PRKCH: variants seen among roughly 807,000 people sequenced by gnomAD.
The protein encoded by PRKCH is protein kinase C eta.
Under a neutral mutation model 82.5 loss-of-function variants are expected in PRKCH, and 28 were observed. That is an observed-to-expected ratio of 0.34 (90% CI 0.25 to 0.47). PRKCH has a LOEUF of 0.47. Ranked by LOEUF, PRKCH falls within the 20% of genes least tolerant of loss-of-function variation. The probability of loss-of-function intolerance (pLI) is 1.00; values close to 1 mark genes in which losing one functional copy is unlikely to be tolerated. For synonymous variants in PRKCH, 322 were observed against 327.4 expected, an observed-to-expected ratio of 0.98 and a Z score of 0.18; for missense variants, 705 against 881.8, an observed-to-expected ratio of 0.80 and a Z score of 2.54.
chr14:61,366,207 G>C (rs1018268904), intron 1 of PRKCH, among the ~76,000 whole-genome samples: 2 of 152,030 alleles, frequency 1.3e-5, no homozygotes, highest in Non-Finnish European at 2.9e-5. Context: ...TGAAAATTTA[G>C]GTTACTAGGG....
chr14:61,525,862 GAC>G (rs2042958755), intron 10 of PRKCH: 1 of 152,310 alleles, frequency 6.6e-6, no homozygotes, highest in Non-Finnish European at 1.5e-5. Flanking sequence ...GTCAGGCTAG[GAC>G]ACAGTGTCGA....
intron 1 of PRKCH, among the ~76,000 whole-genome samples, chr14:61,348,777 T>G (rs1351913312): frequency 6.6e-6 from 1 of 152,256 alleles, no homozygotes; most frequent in Non-Finnish European, 1.5e-5. Flanking sequence ...ATTTTATGCC[T>G]TCGTAGCCAC....
intron 10 of PRKCH, among the ~76,000 whole-genome samples, chr14:61,521,730 C>T (rs1044128147): frequency 7.2e-5 from 11 of 152,060 alleles, no homozygotes; most frequent in African/African-American, 2.4e-4. Flanking sequence ...CTGTGCCCGG[C>T]CTTAATCTTT....
intron 2 of PRKCH, among the ~76,000 whole-genome samples, chr14:61,393,397 T>C (rs1450724191): frequency 2.0e-5 from 3 of 152,202 alleles, no homozygotes; most frequent in East Asian, 1.9e-4. Flanking sequence ...TTTAAACCCA[T>C]CTGTAGTCAA....
chr14:61,215,110 C>T (rs763526626), intron 1 of PRKCH, among the ~76,000 whole-genome samples: 50 of 152,128 alleles, frequency 3.3e-4, no homozygotes, highest in Non-Finnish European at 5.6e-4. Flanking sequence ...AGTTAGATGC[C>T]GTGATGGTTC....
chr14:61,493,035 G>C (rs918232503), intron 10 of PRKCH, among the ~76,000 whole-genome samples: 1 of 152,234 alleles, frequency 6.6e-6, no homozygotes, highest in Non-Finnish European at 1.5e-5. Context: ...GGAGCCTGAA[G>C]TTGGAGGCAT....
At chr14:61,509,289 T>C (rs1333913141) in intron 10 of PRKCH, among the ~76,000 whole-genome samples, 1 of 152,160 alleles carries the variant, frequency 6.6e-6, no homozygotes, top group African/African-American at 2.4e-5. Context: ...ACACACTCAT[T>C]AGCCCTTTGT....
intron 1 of PRKCH, chr14:61,299,696 C>T (rs1051542616): frequency 3.3e-5 from 5 of 152,178 alleles, no homozygotes; most frequent in Non-Finnish European, 7.3e-5. Context: ...AAACTTGCAA[C>T]CTTTTGCCTT....
At chr14:61,386,415 G>A (rs535639982) in intron 1 of PRKCH, among the ~76,000 whole-genome samples, 2 of 152,180 alleles carry the variant, frequency 1.3e-5, no homozygotes, top group African/African-American at 2.4e-5. Context: ...CTAGAAGCCC[G>A]TTCAGGGAGG....
chr14:61,445,279 G>A (rs1884166680), intron 3 of PRKCH, among the ~76,000 whole-genome samples: 1 of 152,236 alleles, frequency 6.6e-6, no homozygotes, highest in African/African-American at 2.4e-5. Flanking sequence ...ACAGGCAGCT[G>A]CGGTAGACTC....
At chr14:61,243,127 G>T (rs1240930296) in intron 1 of PRKCH, among the ~76,000 whole-genome samples, 4 of 152,122 alleles carry the variant, frequency 2.6e-5, no homozygotes, top group African/African-American at 9.7e-5. Context: ...GCTGGGCACA[G>T]TTCACGCCTG....
At chr14:61,395,389 A>G (rs1481473035) in intron 2 of PRKCH, among the ~76,000 whole-genome samples, 1 of 148,742 alleles carries the variant, frequency 6.7e-6, no homozygotes, top group Non-Finnish European at 1.5e-5. Context: ...GCCACCTTAG[A>G]TTATGTCCAG....
chr14:61,339,506 G>A (rs1412498879), intron 1 of PRKCH, among the ~76,000 whole-genome samples: 2 of 148,882 alleles, frequency 1.3e-5, no homozygotes, highest in African/African-American at 4.9e-5. Flanking sequence ...TGTATTTTTA[G>A]TAGAGACGGG....
chr14:61,300,234 A>ACTT (rs1410134599), intron 1 of PRKCH, among the ~76,000 whole-genome samples: 1 of 152,160 alleles, frequency 6.6e-6, no homozygotes, highest in African/African-American at 2.4e-5. Flanking sequence ...GTTTTGGAAT[A>ACTT]CTTCTGTAGG....
chr14:61,348,154 A>G (rs1225446817), intron 1 of PRKCH: 1 of 152,292 alleles, frequency 6.6e-6, no homozygotes, highest in Non-Finnish European at 1.5e-5. Flanking sequence ...AACTCCAGAC[A>G]GATGAGTACA....
At chr14:61,495,677 T>A (rs1225708729) in intron 10 of PRKCH, among the ~76,000 whole-genome samples, 1 of 152,156 alleles carries the variant, frequency 6.6e-6, no homozygotes, top group African/African-American at 2.4e-5. Flanking sequence ...TAACAAATAA[T>A]TTTTTTGTTG....
chr14:61,387,708 CA>C (rs1236113364), intron 1 of PRKCH, among the ~76,000 whole-genome samples: 2 of 152,066 alleles, frequency 1.3e-5, no homozygotes, highest in Non-Finnish European at 2.9e-5. Context: ...CTCTGTGACA[CA>C]GTAAGGAATA....
At chr14:61,246,411 G>A (rs199986703) in intron 1 of PRKCH, among the ~76,000 whole-genome samples, 69 of 146,846 alleles carry the variant, frequency 4.7e-4, no homozygotes, top group Non-Finnish European at 5.2e-4. Flanking sequence ...CTGTCTCAAA[G>A]AAAAAAAAAA....
At chr14:61,537,645 G>T (rs2043129349) in intron 12 of PRKCH, 1 of 152,130 alleles carries the variant, frequency 6.6e-6, no homozygotes, top group Admixed American at 6.5e-5. Flanking sequence ...CGTGACTCAG[G>T]GTCTACTCAG....
Sources: allele counts gnomAD v4.1 joint callset (sites outside exome capture counted in the v4.1 genomes callset), GRCh38; gene constraint gnomAD v4.1.1; transcripts MANE v1.5; gene names NCBI Gene and HGNC (gene_info 2026-07-23, HGNC 2026-07-21).